The following STX11 variants were observed in gnomAD, a reference collection of about 807,000 sequenced individuals.
The protein encoded by STX11 is syntaxin-11.
Under a neutral mutation model 19.9 loss-of-function variants are expected in STX11, and 21 were observed. The observed-to-expected ratio is 1.06, with a 90% CI of 0.75 to 1.52. The LOEUF is 1.52. Among genes scored for constraint, STX11 ranks in the 40% most tolerant of loss-of-function variants. The probability of loss-of-function intolerance (pLI) is 0.00; values close to 1 mark genes in which losing one functional copy is unlikely to be tolerated. For missense variants in STX11, 438 were observed against 405.9 expected, an observed-to-expected ratio of 1.08 and a Z score of -0.68; for synonymous variants, 193 against 174.4, an observed-to-expected ratio of 1.11 and a Z score of -0.84.
In STX11 at chr6:144,155,946, CTTT is replaced by C. The variant is rs779033968; in HGVS notation, c.-6+5244_-6+5246del. Reference sequence around the variant, plus strand: ...AAATGTGTTTTAAAATTTAATCTTTCTTTCTTTCTTTCTTTCTTTCTTTCTTTC... The same window carrying C: ...AAATGTGTTTTAAAATTTAATCTTTCCTTTCTTTCTTTCTTTCTTTCTTTC... On this transcript the variant is annotated intron_variant, in intron 1 of 1. Transcript: ENST00000367568. The surrounding 1 kb of genome is among the most constrained non-coding windows in gnomAD (Gnocchi z 4.5). 0.13 allele frequency among the ~76,000 whole-genome samples: 3,051 copies of C among 23,788 alleles called. 151 individuals carry two copies. The highest frequency in any genetic ancestry group is 0.2 in the African/African-American group (2,506 of 12,554). 15.6% of individuals were successfully genotyped at this position (23,788 alleles called of 152,430 possible).
intron 1 of STX11, among the ~76,000 whole-genome samples, chr6:144,166,107 G>A (rs1415641159): frequency 1.3e-5 from 2 of 152,172 alleles, no homozygotes; most frequent in African/African-American, 4.8e-5. Context: ...TGAAGAACAA[G>A]ATCTTTTCAC....
In STX11 at chr6:144,186,653, T is replaced by G. The variant is rs34470310; in HGVS notation, c.26T>G (p.Leu9Arg). The G allele has an allele frequency of 7.6e-4, 1,233 of 1,614,122 alleles. 2 individuals are homozygous for G. Among genetic ancestry groups the G allele is most frequent in the Non-Finnish European group, 8.9e-4 (1,053 of 1,180,026 alleles). MKDRLAEL[L>R]DLSKQYDQQF... ...ATGAAAGACCGGCTAGCAGAACTTC[T>G]GGACTTGTCCAAGCAATATGACCAG... The change falls in exon 2 of 2, where the codon CTG (leucine) becomes CGG (arginine). Residue 9 changes from leucine (L) to arginine (R), a missense_variant. By Grantham distance (102) the Leu-to-Arg change is moderately radical. Transcript: ENST00000367568.
chr6:144,161,679 TAA>T (rs1224617996), intron 1 of STX11, among the ~76,000 whole-genome samples: 1 of 152,174 alleles, frequency 6.6e-6, no homozygotes, highest in Non-Finnish European at 1.5e-5. Context: ...GAAAATTTCT[TAA>T]GTTATTAACT....
At position 144,167,216 on chromosome 6, in the gene STX11, A is replaced by G. The variant is rs886803387; in HGVS notation, c.-6+16513A>G. On this transcript the variant is annotated intron_variant, in intron 1 of 1. Transcript: ENST00000367568. The surrounding 1 kb of genome is among the most constrained non-coding windows in gnomAD (Gnocchi z 5.0). ...TTGTATTAGATGATGGAAAATTGTT[A>G]CTTTTCATGTTAAACAATTCTGTCT... Among the ~76,000 whole-genome samples the G allele has an allele frequency of 6.6e-6, 1 of 152,220 alleles. No individual in the cohort carries two copies. Among genetic ancestry groups the G allele is most frequent in the African/African-American group, 2.4e-5 (1 of 41,466 alleles).
chr6:144,187,888 A>G lies in STX11; in HGVS notation c.*397A>G. ...GCTAATAGAATGAACTCATGATGGA[A>G]ACTTCAGTTCATTTACTTTGTCCTG... On this transcript the variant is annotated 3_prime_UTR_variant, in exon 2 of 2. Coordinates refer to ENST00000367568, the MANE Select transcript of STX11 (RefSeq NM_003764.4). The surrounding 1 kb of genome is among the most constrained non-coding windows in gnomAD (Gnocchi z 5.6). The G allele has an allele frequency of 2.9e-6, 1 of 346,426 alleles. No individual in the cohort carries two copies. Among genetic ancestry groups the G allele is most frequent in the Non-Finnish European group, 5.6e-6 (1 of 177,264 alleles). 21.5% of individuals were successfully genotyped at this position (346,426 alleles called of 1,614,324 possible).
chr6:144,146,612 C>G (rs985105513), upstream of STX11, among the ~76,000 whole-genome samples: 1 of 152,158 alleles, frequency 6.6e-6, no homozygotes, highest in African/African-American at 2.4e-5. The surrounding 1 kb of genome is among the most constrained non-coding windows in gnomAD (Gnocchi z 4.4). Context: ...GCGTCCAGCT[C>G]TTGCTTTTAA....
chr6:144,143,826 T>A, the STX11 span, among the ~76,000 whole-genome samples: 1 of 152,232 alleles, frequency 6.6e-6, no homozygotes, highest in East Asian at 1.9e-4. Context: ...TGTTCACTTA[T>A]GGTAACAGGT....
intron 1 of STX11, among the ~76,000 whole-genome samples, chr6:144,171,483 T>TG (rs1159284815): frequency 6.6e-6 from 1 of 152,216 alleles, no homozygotes; most frequent in Non-Finnish European, 1.5e-5. Flanking sequence ...GTGAGCTGAA[T>TG]GATAGACTTG....
Position 144,187,593 on chromosome 6 carries a change from C to T in STX11, c.*102C>T. 6.8e-7 allele frequency: 1 copy of T among 1,466,096 alleles called. No individual in the cohort carries two copies. Among genetic ancestry groups the T allele is most frequent in the Non-Finnish European group, 9.3e-7 (1 of 1,071,618 alleles). 90.8% of individuals were successfully genotyped at this position (1,466,096 alleles called of 1,614,324 possible). A position where few individuals can be genotyped will look rare whatever the true frequency, so the allele number is the denominator to read the frequency against. ...TGCCCTGCAGGGAGTTGCCCCAACCCTTTCCGGAACTCAGTCTTTAGAAAA... is the reference window on the plus strand; with the variant it reads ...TGCCCTGCAGGGAGTTGCCCCAACCTTTTCCGGAACTCAGTCTTTAGAAAA... On this transcript the variant is annotated 3_prime_UTR_variant, in exon 2 of 2. Transcript: ENST00000367568. This position sits in a 1 kb window ranked among gnomAD's most constrained non-coding sequence, Gnocchi z 5.6.
chr6:144,164,441 T>G (rs966236456), intron 1 of STX11, among the ~76,000 whole-genome samples: 19 of 152,230 alleles, frequency 1.2e-4, no homozygotes, highest in African/African-American at 4.3e-4. Context: ...GCATGGATAC[T>G]GATAGTCTAT....
rs1347244667 is a variant in STX11, at chr6:144,189,411, A to G, written c.*1920A>G. On this transcript the variant is annotated 3_prime_UTR_variant, in exon 2 of 2. Coordinates refer to ENST00000367568, the MANE Select transcript of STX11 (RefSeq NM_003764.4). Reference sequence around the variant, plus strand: ...GAATGAAAAACTCAAAAGAATTCCCATGAGGGTGTCTTGCTTTCTCTCCTG... The same window carrying G: ...GAATGAAAAACTCAAAAGAATTCCCGTGAGGGTGTCTTGCTTTCTCTCCTG... Among the ~76,000 whole-genome samples the G allele has an allele frequency of 2.0e-5, 3 of 152,190 alleles. No homozygotes were observed. Among genetic ancestry groups the G allele is most frequent in the Non-Finnish European group, 2.9e-5 (2 of 68,030 alleles).
At chr6:144,163,109 C>A (rs1801384065) in intron 1 of STX11, among the ~76,000 whole-genome samples, 1 of 152,198 alleles carries the variant, frequency 6.6e-6, no homozygotes, top group Admixed American at 6.5e-5. Flanking sequence ...AGATGAATTT[C>A]TCCCACGATC....
chr6:144,157,185 G>A (rs1225185474), intron 1 of STX11, among the ~76,000 whole-genome samples: 2 of 152,194 alleles, frequency 1.3e-5, no homozygotes, highest in East Asian at 1.9e-4. Context: ...AGAGGGAAAC[G>A]GGATTGCACA....
At chr6:144,148,650 C>T (rs1800922196), upstream of STX11, among the ~76,000 whole-genome samples, 1 of 152,106 alleles carries the variant, frequency 6.6e-6, no homozygotes, top group Non-Finnish European at 1.5e-5. Flanking sequence ...TTAGTTTTTC[C>T]CCAAGTCCTT....
rs772510199 is a variant in STX11 at position 144,186,903 on chromosome 6, C to T, written c.276C>T (p.Ala92=). 1.9e-6 allele frequency: 3 copies of T among 1,611,520 alleles called. No homozygotes were observed. The highest frequency in any genetic ancestry group is 1.7e-6 in the Non-Finnish European group (2 of 1,180,014). ...IKRDTNSIAK[A]IKARGEVIHC... is the part of the protein sequence containing the mutation. ...GCGACACCAACTCCATCGCCAAGGC[C>T]ATCAAGGCCCGGGGCGAGGTCATCC... Residue 92 remains alanine, a synonymous_variant, in exon 2 of 2, where the codon GCC becomes GCT. Coordinates refer to ENST00000367568, the MANE Select transcript of STX11 (RefSeq NM_003764.4).
intron 1 of STX11, among the ~76,000 whole-genome samples, chr6:144,166,857 C>T (rs1233492391): frequency 1.4e-5 from 2 of 141,752 alleles, no homozygotes; most frequent in Admixed American, 7.0e-5. Flanking sequence ...TCCCTTCCCT[C>T]CCCTCCCCTC....
chr6:144,147,529 C>CA (rs1800898778), upstream of STX11, among the ~76,000 whole-genome samples: 1 of 152,170 alleles, frequency 6.6e-6, no homozygotes, highest in Non-Finnish European at 1.5e-5. This position sits in a 1 kb window ranked among gnomAD's most constrained non-coding sequence, Gnocchi z 4.2. Context: ...TGCCAGGACT[C>CA]AGACTTCAGA....
Position 144,151,278 on chromosome 6 carries a change from C to A in STX11, c.-6+575C>A. ...GTGGCAATGCCTGCGAGAGCCACGC[C>A]GTCCTGAGAGGGAATTCTGCCTTTT... On this transcript the variant is annotated intron_variant, in intron 1 of 1. Coordinates refer to ENST00000367568, the MANE Select transcript of STX11 (RefSeq NM_003764.4). This position sits in a 1 kb window ranked among gnomAD's most constrained non-coding sequence, Gnocchi z 4.6. 1 of 985,420 alleles carries A rather than the reference C, an allele frequency of 1.0e-6. No individual in the cohort carries two copies. The highest frequency in any genetic ancestry group is 1.2e-6 in the Non-Finnish European group (1 of 829,926). The allele number at this position is 985,420 out of a possible 1,614,324, so 61.0% of individuals were successfully genotyped here.
At position 144,186,703 on chromosome 6, in the gene STX11, T is replaced by A. The variant is rs548646794; in HGVS notation, c.76T>A (p.Phe26Ile). The change falls in exon 2 of 2, where the codon TTT (phenylalanine) becomes ATT (isoleucine). Residue 26 changes from phenylalanine to isoleucine, a missense_variant. By Grantham distance (21) the Phe-to-Ile change is conservative. Coordinates refer to ENST00000367568, the MANE Select transcript of STX11 (RefSeq NM_003764.4). ...GCAGTTCCCAGACGGGGACGATGAGTTTGACTCGCCCCACGAGGACATCGT... is the reference window on the plus strand; with the variant it reads ...GCAGTTCCCAGACGGGGACGATGAGATTGACTCGCCCCACGAGGACATCGT... ...DQQFPDGDDE[F>I]DSPHEDIVFE... 2.6e-5 allele frequency: 42 copies of A among 1,614,098 alleles called. No homozygotes were observed. In the South Asian group the frequency reaches 3.7e-4, roughly 14 times the overall value.
Sources: gnomAD v4.1 joint callset for allele counts (sites outside exome capture counted in the v4.1 genomes callset) on GRCh38, gnomAD v4.1.1 for gene constraint, Gnocchi (gnomAD v3.1) non-coding constraint, MANE v1.5 for transcripts, NCBI Gene and HGNC (gene_info 2026-07-23, HGNC 2026-07-21) for gene names.